The following RNF150 variants were observed in gnomAD, a reference collection of about 807,000 sequenced individuals.
RNF150 encodes ring finger protein 150.
In RNF150, 24 loss-of-function variants were observed where a neutral mutation model predicts 39.3. That is an observed-to-expected ratio of 0.61 (90% confidence interval 0.44 to 0.86). The LOEUF (loss-of-function observed/expected upper bound fraction) is 0.86, where lower values mean the gene tolerates loss of function less well. Among genes scored for constraint, RNF150 ranks in the 40% least tolerant of loss-of-function variants. RNF150 has a pLI of 0.00. For missense variants in RNF150, 502 were observed against 587.8 expected (o/e 0.85, Z 1.51); for synonymous variants, 255 against 227.3 (o/e 1.12, Z -1.10).
At chr4:140,905,298 T>C (rs776679584) in intron 6 of RNF150, among the ~76,000 whole-genome samples, 2 of 152,200 alleles carry the variant, frequency 1.3e-5, no homozygotes, top group Non-Finnish European at 2.9e-5. Context: ...CAGCCAAGTA[T>C]GTGCTCCTTA....
rs1268375779 is a variant in RNF150, at chr4:140,864,766, G to A, written c.*3495C>T. On this transcript the variant is annotated 3_prime_UTR_variant, in exon 7 of 7. Coordinates refer to ENST00000515673, the MANE Select transcript of RNF150 (RefSeq NM_020724.2). ...CAGTCCGAGGGTTTGCCATAGAAGT[G>A]AGGGGTATAATTTTGTTTCAGCACC... 6.6e-6 allele frequency: 1 copy of A among 152,190 alleles called. No individual in the cohort carries two copies. Among genetic ancestry groups the A allele is most frequent in the Non-Finnish European group, 1.5e-5 (1 of 68,050 alleles). The allele number at this position is 152,190 out of a possible 1,614,324, so 9.4% of individuals were successfully genotyped here.
intron 1 of RNF150, among the ~76,000 whole-genome samples, chr4:141,044,930 T>C (rs1350885422): frequency 6.6e-6 from 1 of 152,236 alleles, no homozygotes. Flanking sequence ...TATATTAATG[T>C]TCTTAGTTTT....
At chr4:140,868,622 T>C (rs1028755962) in intron 6 of RNF150, among the ~76,000 whole-genome samples, 5 of 152,182 alleles carry the variant, frequency 3.3e-5, no homozygotes, top group African/African-American at 1.2e-4. Flanking sequence ...TAGGAAAATA[T>C]ATATCTACCG....
rs1728895919 is a variant in RNF150 at position 140,870,630 on chromosome 4, G to A, written c.1199-2251C>T. Among the ~76,000 whole-genome samples the A allele has an allele frequency of 2.6e-5, 4 of 152,182 alleles. No homozygotes were observed. The South Asian group carries it at 6.2e-4, about 24-fold the overall frequency. ...TTTCTCAGCAGGGTCGTGGCGTGCT[G>A]TTGTGCAGGGTGTGTACAGCACCAC... is the stretch of plus-strand genomic sequence containing the variant. On this transcript the variant is annotated intron_variant, in intron 6 of 6. Transcript: ENST00000515673.
intron 1 of RNF150, among the ~76,000 whole-genome samples, chr4:141,099,441 G>C (rs2111031884): frequency 6.6e-6 from 1 of 152,234 alleles, no homozygotes; most frequent in East Asian, 1.9e-4. Flanking sequence ...GAGACAGGGA[G>C]GAGAGAGAAG....
At chr4:140,971,659 A>G (rs1038294408) in intron 1 of RNF150, among the ~76,000 whole-genome samples, 16 of 152,128 alleles carry the variant, frequency 1.1e-4, no homozygotes, top group South Asian at 2.1e-4. Flanking sequence ...AGCATCCTGT[A>G]TTTTTAGTGC....
At chr4:140,900,580 A>G (rs1158142726) in intron 6 of RNF150, among the ~76,000 whole-genome samples, 1 of 152,228 alleles carries the variant, frequency 6.6e-6, no homozygotes, top group Non-Finnish European at 1.5e-5. Context: ...AGGTGATGTC[A>G]GTTTTCATCC....
intron 1 of RNF150, among the ~76,000 whole-genome samples, chr4:141,168,521 AT>A (rs1727640947): frequency 6.6e-6 from 1 of 152,228 alleles, no homozygotes; most frequent in Non-Finnish European, 1.5e-5. Context: ...ACTATTCACA[AT>A]AGCAAAGACT....
chr4:141,162,961 A>T (rs954475751), intron 1 of RNF150, among the ~76,000 whole-genome samples: 1 of 152,134 alleles, frequency 6.6e-6, no homozygotes. Flanking sequence ...AGAATTGTTC[A>T]CTCCCCTGGA....
intron 1 of RNF150, among the ~76,000 whole-genome samples, chr4:141,064,171 C>T (rs187400106): frequency 6.6e-6 from 1 of 152,248 alleles, no homozygotes; most frequent in East Asian, 1.9e-4. Context: ...ACAGTGCTTG[C>T]AACAACCTTA....
intron 4 of RNF150, among the ~76,000 whole-genome samples, chr4:140,933,828 T>G (rs1486605509): frequency 6.6e-6 from 1 of 152,138 alleles, no homozygotes; most frequent in African/African-American, 2.4e-5. Flanking sequence ...ATGGGGATGA[T>G]CTAGTCATCA....
intron 1 of RNF150, among the ~76,000 whole-genome samples, chr4:140,974,761 A>G (rs575648432): frequency 1.3e-5 from 2 of 152,228 alleles, no homozygotes; most frequent in Non-Finnish European, 2.9e-5. Context: ...GTGACTTCTA[A>G]TTTTTGAAGC....
intron 1 of RNF150, among the ~76,000 whole-genome samples, chr4:141,108,517 A>G (rs1414315642): frequency 6.6e-6 from 1 of 152,172 alleles, no homozygotes; most frequent in Non-Finnish European, 1.5e-5. Flanking sequence ...AACTTACAAC[A>G]TTGTATTTCA....
intron 1 of RNF150, among the ~76,000 whole-genome samples, chr4:140,996,238 C>T (rs1024178917): frequency 6.6e-6 from 1 of 152,114 alleles, no homozygotes; most frequent in African/African-American, 2.4e-5. Context: ...TGATGTTGAG[C>T]ATTTTATCAT....
intron 1 of RNF150, among the ~76,000 whole-genome samples, chr4:141,153,129 G>A (rs1224680469): frequency 6.6e-6 from 1 of 152,114 alleles, no homozygotes; most frequent in African/African-American, 2.4e-5. Context: ...CAAGTGCTGG[G>A]AGTATATTGT....
intron 1 of RNF150, among the ~76,000 whole-genome samples, chr4:141,116,974 C>T (rs1381381081): frequency 6.6e-6 from 1 of 151,490 alleles, no homozygotes; most frequent in Non-Finnish European, 1.5e-5. Flanking sequence ...GGGAACATCA[C>T]ACACCGGAGC....
chr4:141,080,628 T>C (rs1738113380), intron 1 of RNF150, among the ~76,000 whole-genome samples: 1 of 152,250 alleles, frequency 6.6e-6, no homozygotes, highest in South Asian at 2.1e-4. Flanking sequence ...GCATGTTTTT[T>C]GTTCTTTTCT....
At chr4:141,010,272 C>T (rs1316419370) in intron 1 of RNF150, among the ~76,000 whole-genome samples, 1 of 152,116 alleles carries the variant, frequency 6.6e-6, no homozygotes, top group Non-Finnish European at 1.5e-5. Context: ...ATATTAAGAT[C>T]CTTACATTTT....
intron 1 of RNF150, among the ~76,000 whole-genome samples, chr4:141,160,357 G>C (rs1429632298): frequency 6.6e-6 from 1 of 152,162 alleles, no homozygotes; most frequent in Non-Finnish European, 1.5e-5. Flanking sequence ...GGAAATGCTG[G>C]TTGGCAGGCT....
Sources: gnomAD v4.1 joint callset for allele counts (sites outside exome capture counted in the v4.1 genomes callset) on GRCh38, gnomAD v4.1.1 for gene constraint, MANE v1.5 for transcripts, NCBI Gene and HGNC (gene_info 2026-07-23, HGNC 2026-07-21) for gene names.